TTC5: variants seen among roughly 807,000 people sequenced by gnomAD.
The protein encoded by TTC5 is tetratricopeptide repeat protein 5.
In TTC5, 46 loss-of-function variants were observed where a neutral mutation model predicts 57.4. The observed-to-expected ratio is 0.80, with a 90% CI of 0.63 to 1.03. The LOEUF (loss-of-function observed/expected upper bound fraction) is 1.03, where lower values mean the gene tolerates loss of function less well. Among genes scored for constraint, TTC5 ranks in the 50% least tolerant of loss-of-function variants. The pLI, the probability that TTC5 is intolerant of heterozygous loss-of-function variation, is 0.00. For synonymous variants in TTC5, 190 were observed against 203.5 expected, an observed-to-expected ratio of 0.93 and a Z score of 0.57; for missense variants, 504 against 528.1, an observed-to-expected ratio of 0.95 and a Z score of 0.45.
In TTC5 at chr14:20,289,409, A is replaced by C; in HGVS notation, c.*218T>G. On this transcript the variant is annotated 3_prime_UTR_variant, in exon 10 of 10. Transcript: ENST00000258821. ...CATAGAGAGCAGTGGAAGAGACAGG[A>C]GAGATATGCCAGAAGAGTATGTGGC... 2.4e-6 allele frequency: 1 copy of C among 418,834 alleles called. No individual in the cohort carries two copies. Among genetic ancestry groups the C allele is most frequent in the Non-Finnish European group, 4.2e-6 (1 of 235,520 alleles). The allele number at this position is 418,834 out of a possible 1,614,324, so 25.9% of individuals were successfully genotyped here. A position where few individuals can be genotyped will look rare whatever the true frequency, so the allele number is the denominator to read the frequency against.
intron 5 of TTC5, among the ~76,000 whole-genome samples, chr14:20,296,899 G>C (rs1198984196): frequency 6.6e-6 from 1 of 152,076 alleles, no homozygotes; most frequent in Non-Finnish European, 1.5e-5. Flanking sequence ...TGTAATTCCA[G>C]CTACTCAGGA....
chr14:20,300,545 A>G, intron 3 of TTC5, 62 bp downstream of exon 3: 1 of 1,460,594 alleles, frequency 6.8e-7, no homozygotes, highest in Non-Finnish European at 9.3e-7. Context: ...AGGGAAACTC[A>G]TAGAACCAAA....
At chr14:20,298,485 G>T (rs938920429) in intron 5 of TTC5, among the ~76,000 whole-genome samples, 2 of 152,130 alleles carry the variant, frequency 1.3e-5, no homozygotes, top group African/African-American at 4.8e-5. Context: ...TATTTTAATA[G>T]ACTTTTTTCC....
In TTC5 at chr14:20,286,783, C is replaced by G. The variant is rs1034777041; in HGVS notation, c.*2844G>C. The G allele has an allele frequency of 3.3e-5, 5 of 149,944 alleles. No homozygotes were observed. Among genetic ancestry groups the G allele is most frequent in the Non-Finnish European group, 7.4e-5 (5 of 67,538 alleles). The allele number at this position is 149,944 out of a possible 1,614,324, so 9.3% of individuals were successfully genotyped here. A position where few individuals can be genotyped will look rare whatever the true frequency, so the allele number is the denominator to read the frequency against. On this transcript the variant is annotated 3_prime_UTR_variant, in exon 10 of 10. Transcript: ENST00000258821. ...CAGGATAAAACTGTATGTAGACAAA[C>G]GATTAGTACAGGGAATATATAAATC...
chr14:20,297,271 A>G (rs113819970), intron 5 of TTC5, among the ~76,000 whole-genome samples: 4 of 152,352 alleles, frequency 2.6e-5, no homozygotes, highest in African/African-American at 7.2e-5. Context: ...TTAAACAGAT[A>G]AAATAGATGG....
chr14:20,303,190 CAAA>C (rs1239436297), intron 1 of TTC5, among the ~76,000 whole-genome samples: 1 of 99,254 alleles, frequency 1.0e-5, no homozygotes. Flanking sequence ...GACTCCGTCT[CAAA>C]AAAAAAAAAA....
chr14:20,295,639 T>A, intron 7 of TTC5, 69 bp downstream of exon 7: 1 of 1,552,940 alleles, frequency 6.4e-7, no homozygotes, highest in Non-Finnish European at 8.7e-7. Flanking sequence ...ACCTATTTAT[T>A]CTTATTTTAT....
rs913623459 is a variant in TTC5 at position 20,296,400 on chromosome 14, T to C, written c.686A>G (p.Asn229Ser). 5.6e-6 allele frequency: 9 copies of C among 1,612,968 alleles called. No homozygotes were observed. The highest frequency in any genetic ancestry group is 7.6e-6 in the Non-Finnish European group (9 of 1,178,982). ...KASSNPDLHLNRATLHKYEES... is the reference protein window; with the variant it reads ...KASSNPDLHLSRATLHKYEES... ...CCCCAAAGGTCTTACCGTCGCCCTG[T>C]TCAGATGAAGGTCAGGATTGCTAGA... Residue 229 changes from asparagine to serine, a missense_variant, in exon 6 of 10, where the codon AAC becomes AGC. By Grantham distance (46) the Asn-to-Ser change is conservative. Transcript: ENST00000258821.
intron 3 of TTC5, chr14:20,300,279 G>A: frequency 4.6e-6 from 1 of 218,192 alleles, no homozygotes; most frequent in Non-Finnish European, 9.1e-6. Context: ...GATTACAGGT[G>A]TAAGCTACCA....
intron 6 of TTC5, 133 bp downstream of exon 6, chr14:20,296,257 T>C: frequency 1.3e-6 from 1 of 768,772 alleles, no homozygotes; most frequent in Non-Finnish European, 2.3e-6. Flanking sequence ...TAGCTATTTA[T>C]AGAAATAGCA....
chr14:20,295,403 G>A lies in TTC5; in HGVS notation c.967C>T (p.Pro323Ser). 1.2e-6 allele frequency: 2 copies of A among 1,614,178 alleles called. No individual in the cohort carries two copies. The highest frequency in any genetic ancestry group is 2.2e-5 in the East Asian group (1 of 44,880). Residue 323 changes from proline to serine, a missense_variant, in exon 8 of 10, where the codon CCA becomes TCA. Pro to Ser is a moderately conservative substitution (Grantham distance 74, BLOSUM62 -1). Coordinates refer to ENST00000258821, the MANE Select transcript of TTC5 (RefSeq NM_138376.3). The stretch of plus-strand genomic sequence containing the variant: ...ACCCCAGGCTGAAGCGTACTCAGTG[G>A]CTTGAGCTCCAGGGTCACTTTCTGC... Reference protein sequence around the residue: ...SGQKVTLELKPLSTLQPGVNS... With the variant: ...SGQKVTLELKSLSTLQPGVNS...
chr14:20,295,569 C>A, intron 7 of TTC5, 43 bp from the exon 8 acceptor site: 2 of 1,585,962 alleles, frequency 1.3e-6, no homozygotes, highest in Non-Finnish European at 1.7e-6. Flanking sequence ...AAACTAGTCG[C>A]CTTCCTTGAG....
intron 3 of TTC5, among the ~76,000 whole-genome samples, chr14:20,300,143 G>GTGTGTGTATATATATATATATA (rs370417927): frequency 1.1e-4 from 3 of 27,148 alleles, no homozygotes; most frequent in African/African-American, 2.2e-4. Flanking sequence ...TCTGGTCCAT[G>GTGTGTGTATATATATATATATA]TATATATATA....
chr14:20,300,447 T>G, intron 3 of TTC5, 160 bp downstream of exon 3: 1 of 617,172 alleles, frequency 1.6e-6, no homozygotes, highest in Non-Finnish European at 2.7e-6. Context: ...CTGCCTCTAT[T>G]TTCCTCATTC....
At chr14:20,300,931 T>A in intron 2 of TTC5, 113 bp from the exon 3 acceptor site, 1 of 808,026 alleles carries the variant, frequency 1.2e-6, no homozygotes, top group Non-Finnish European at 1.9e-6. Flanking sequence ...TTGGGGAAAA[T>A]ATTTATCAAT....
intron 8 of TTC5, chr14:20,292,695 T>TC: frequency 6.6e-6 from 1 of 152,242 alleles, no homozygotes; most frequent in African/African-American, 2.4e-5. Context: ...TACAGCACAG[T>TC]GTGATGGGTG....
chr14:20,291,851 A>G (rs1227263310), intron 9 of TTC5, 132 bp downstream of exon 9: 14 of 703,850 alleles, frequency 2.0e-5, no homozygotes, highest in Non-Finnish European at 2.7e-5. Context: ...TAAAACATAT[A>G]CACACAAATA....
rs375539622 is a variant in TTC5 at position 20,289,759 on chromosome 14, G to A, written c.1204-13C>T. ...AAAAGGAATAGTCCTAGAAAAGACA[G>A]ACAGACAAAGGTTCACTACAGATTC... On this transcript the variant is annotated splice_polypyrimidine_tract_variant and intron_variant, in intron 9 of 9. Coordinates refer to ENST00000258821, the MANE Select transcript of TTC5 (RefSeq NM_138376.3). The A allele has an allele frequency of 9.9e-5, 159 of 1,608,492 alleles. No homozygotes were observed. The highest frequency in any genetic ancestry group is 1.3e-4 in the Non-Finnish European group (156 of 1,177,384).
At chr14:20,300,397 C>T in intron 3 of TTC5, 2 of 551,948 alleles carry the variant, frequency 3.6e-6, no homozygotes, top group Non-Finnish European at 6.3e-6. Flanking sequence ...CCTTTCTCCC[C>T]CTGAACCTGA....
Sources: allele counts gnomAD v4.1 joint callset (sites outside exome capture counted in the v4.1 genomes callset), GRCh38; gene constraint gnomAD v4.1.1; transcripts MANE v1.5; gene names NCBI Gene and HGNC (gene_info 2026-07-23, HGNC 2026-07-21).